The following SALL3 variants were observed in gnomAD, a reference collection of about 807,000 sequenced individuals.
SALL3 encodes the protein sal-like protein 3.
In SALL3, 25 loss-of-function variants were observed where a neutral mutation model predicts 66.2. The observed-to-expected ratio is 0.38, with a 90% confidence interval of 0.28 to 0.53. SALL3 has a LOEUF of 0.53. Among genes scored for constraint, SALL3 ranks in the 20% least tolerant of loss-of-function variants. The pLI is 0.85. For synonymous variants in SALL3, 1,152 were observed against 899.1 expected, an observed-to-expected ratio of 1.28 and a Z score of -5.03; for missense variants, 2,194 against 1,916.5, an observed-to-expected ratio of 1.14 and a Z score of -2.70.
chr18:78,992,852 G>T lies in SALL3; in HGVS notation c.861G>T (p.Glu287Asp). Residue 287 changes from glutamate to aspartate, a missense_variant, in exon 2 of 3, where the codon GAG becomes GAT. By Grantham distance (45) the Glu-to-Asp change is conservative (BLOSUM62 2). Coordinates refer to ENST00000537592, the MANE Select transcript of SALL3 (RefSeq NM_171999.4). ...GSGPAAPAAFEGAQPLSRPES... is the reference protein window; with the variant it reads ...GSGPAAPAAFDGAQPLSRPES... ...GCCCCGCCGCCCCGGCCGCCTTCGA[G>T]GGCGCGCAGCCGCTGTCCCGGCCCG... 1.0e-6 allele frequency: 1 copy of T among 981,348 alleles called. No homozygotes were observed. Among genetic ancestry groups the T allele is most frequent in the Non-Finnish European group, 1.2e-6 (1 of 828,816 alleles). 60.8% of individuals were successfully genotyped at this position (981,348 alleles called of 1,614,324 possible).
chr18:78,993,749 G>C lies in SALL3; in HGVS notation c.1758G>C (p.Ser586=). Residue 586 remains serine, a synonymous_variant, in exon 2 of 3, where the codon TCG becomes TCC. Coordinates refer to ENST00000537592, the MANE Select transcript of SALL3 (RefSeq NM_171999.4). The stretch of plus-strand genomic sequence containing the variant: ...CGGCCACCGCCGAGTCCCCACAGTC[G>C]CTCCTCGGCGGGCCGCCCCTCACTA... ...GVSATAESPQ[S]LLGGPPLTKA... is the part of the protein sequence containing the mutation. 1 of 1,544,508 alleles carries C rather than the reference G, an allele frequency of 6.5e-7. No homozygotes were observed. The highest frequency in any genetic ancestry group is 8.7e-7 in the Non-Finnish European group (1 of 1,154,818).
At chr18:78,981,787 C>G (rs1370437041) in intron 1 of SALL3, among the ~76,000 whole-genome samples, 1 of 152,092 alleles carries the variant, frequency 6.6e-6, no homozygotes, top group Admixed American at 6.5e-5. Flanking sequence ...GTTTTGTTTA[C>G]TTCATCACAT....
In SALL3 at chr18:78,993,833, C is replaced by A; in HGVS notation, c.1842C>A (p.Gly614=). 1.3e-6 allele frequency: 2 copies of A among 1,553,096 alleles called. No homozygotes were observed. The highest frequency in any genetic ancestry group is 1.7e-6 in the Non-Finnish European group (2 of 1,151,870). ...CCAGGGCCGGGGACGCTCCCGTGGG[C>A]GCGCAGGCTAGCGCTGCACCCACAT... ...TNARAGDAPV[G]AQASAAPTSV... The change falls in exon 2 of 3, where the codon GGC becomes GGA. Residue 614 remains glycine, a synonymous_variant. Coordinates refer to ENST00000537592, the MANE Select transcript of SALL3 (RefSeq NM_171999.4).
intron 2 of SALL3, among the ~76,000 whole-genome samples, chr18:78,995,959 C>A (rs1301950235): frequency 6.6e-6 from 1 of 152,114 alleles, no homozygotes; most frequent in Non-Finnish European, 1.5e-5. Flanking sequence ...TGAGAATGCT[C>A]ACTTTGCAAC....
Position 78,993,317 on chromosome 18 carries a change from C to T in SALL3, c.1326C>T (p.His442=). ...CGCTCCAGATCCACCTGCGCTCGCA[C>T]ACAGGCGAGCGGCCCTTCAAGTGCA... ...DSALQIHLRS[H]TGERPFKCNI... The change falls in exon 2 of 3, where the codon CAC becomes CAT. Residue 442 remains histidine (H), a synonymous_variant. Coordinates refer to ENST00000537592, the MANE Select transcript of SALL3 (RefSeq NM_171999.4). 1 of 1,612,344 alleles carries T rather than the reference C, an allele frequency of 6.2e-7. No homozygotes were observed.
intron 1 of SALL3, among the ~76,000 whole-genome samples, chr18:78,990,258 G>A (rs1914383708): frequency 6.6e-6 from 1 of 152,184 alleles, no homozygotes; most frequent in South Asian, 2.1e-4. Context: ...CCTCCATACA[G>A]TAATGAGACC....
Position 78,993,796 on chromosome 18 carries a change from C to T in SALL3, c.1805C>T (p.Pro602Leu). Residue 602 changes from proline to leucine, a missense_variant, in exon 2 of 3, where the codon CCC becomes CTC. Pro to Leu is a moderately conservative substitution (Grantham distance 98). Transcript: ENST00000537592. ...ACTAAAGCCGAGCCCGTCAGCCTGCCCTGCACCAACGCCAGGGCCGGGGAC... is the reference window on the plus strand; with the variant it reads ...ACTAAAGCCGAGCCCGTCAGCCTGCTCTGCACCAACGCCAGGGCCGGGGAC... ...PLTKAEPVSL[P>L]CTNARAGDAP... 1 of 1,555,862 alleles carries T rather than the reference C, an allele frequency of 6.4e-7. No homozygotes were observed. The highest frequency in any genetic ancestry group is 8.6e-7 in the Non-Finnish European group (1 of 1,157,150).
chr18:78,993,523 C>G lies in SALL3; in HGVS notation c.1532C>G (p.Thr511Ser). 1 of 1,598,228 alleles carries G rather than the reference C, an allele frequency of 6.3e-7. No homozygotes were observed. The change falls in exon 2 of 3, where the codon ACC becomes AGC. Residue 511 changes from threonine (T) to serine (S), a missense_variant. Physicochemically the swap from Thr to Ser is moderately conservative, Grantham distance 58. Transcript: ENST00000537592. ...MSLPPEKPVTTWLDSKPVLPT... is the reference protein window; with the variant it reads ...MSLPPEKPVTSWLDSKPVLPT... ...CTGCCCCCCGAGAAGCCCGTGACCA[C>G]CTGGCTGGACAGCAAGCCCGTGCTG...
rs779833119 is a variant in SALL3, at chr18:78,993,022, C to T, written c.1031C>T (p.Pro344Leu). Residue 344 changes from proline (P) to leucine (L), a missense_variant, in exon 2 of 3, where the codon CCT becomes CTT. Pro to Leu is a moderately conservative substitution (Grantham distance 98). Transcript: ENST00000537592. ...CAGCCGCAGAGCGCATCCACGCCGC[C>T]TGCCCTGGCCCCGGGGTCCCTGCTG... The part of the protein sequence containing the change: ...SSQPQSASTP[P>L]ALAPGSLLGA... 4.5e-6 allele frequency: 7 copies of T among 1,550,196 alleles called. No homozygotes were observed. Among genetic ancestry groups the T allele is most frequent in the Non-Finnish European group, 6.1e-6 (7 of 1,156,520 alleles).
At position 78,994,514 on chromosome 18, in the gene SALL3, C is replaced by G. The variant is rs373611197; in HGVS notation, c.2523C>G (p.Ala841=). 63 of 1,611,414 alleles carry G rather than the reference C, an allele frequency of 3.9e-5. No individual in the cohort carries two copies. The highest frequency in any genetic ancestry group is 5.2e-5 in the Non-Finnish European group (61 of 1,179,492). ...CGCCCTCGGTCATCTCCAGCATTGCCGCCCTGGAGAACCAGATGAAGATGA... is the reference window on the plus strand; with the variant it reads ...CGCCCTCGGTCATCTCCAGCATTGCGGCCCTGGAGAACCAGATGAAGATGA... ...PSPPSVISSI[A]ALENQMKMID... Residue 841 remains alanine (A), a synonymous_variant, in exon 2 of 3, where the codon GCC becomes GCG. Coordinates refer to ENST00000537592, the MANE Select transcript of SALL3 (RefSeq NM_171999.4).
At chr18:78,991,897 G>A (rs1238032512) in intron 1 of SALL3, 177 bp from the exon 2 acceptor site, 3 of 483,230 alleles carry the variant, frequency 6.2e-6, no homozygotes, top group African/African-American at 6.0e-5. Flanking sequence ...TTGATGGATT[G>A]GGCTAAGAAA....
At chr18:78,996,797 G>A in intron 2 of SALL3, 94 bp from the exon 3 acceptor site, 11 of 1,302,574 alleles carry the variant, frequency 8.4e-6, no homozygotes, top group East Asian at 2.5e-5. Flanking sequence ...GCGCTTGGGA[G>A]CGGGGTGGAC....
intron 1 of SALL3, among the ~76,000 whole-genome samples, chr18:78,985,265 C>CT (rs1914206252): frequency 6.6e-6 from 1 of 152,242 alleles, no homozygotes; most frequent in African/African-American, 2.4e-5. Flanking sequence ...ATCCCGCGAG[C>CT]TTGCGCCGTG....
chr18:78,980,835 G>A (rs1914030000), intron 1 of SALL3, among the ~76,000 whole-genome samples: 1 of 152,130 alleles, frequency 6.6e-6, no homozygotes, highest in African/African-American at 2.4e-5. Flanking sequence ...CCGGGCCCCC[G>A]CACCGCCTCG....
chr18:78,992,266 A>G lies in SALL3; in HGVS notation c.275A>G (p.Glu92Gly), dbSNP rs1246945001. Reference sequence around the variant, plus strand: ...GAGGACGCGCCCGCGCCGCCCCCCGAGGACTTCCCCGAGCCTTCGCCCGCC... The same window carrying G: ...GAGGACGCGCCCGCGCCGCCCCCCGGGGACTTCCCCGAGCCTTCGCCCGCC... ...VHEDAPAPPP[E>G]DFPEPSPASS... is the part of the protein sequence containing the mutation. Residue 92 changes from glutamate to glycine, a missense_variant, in exon 2 of 3, where the codon GAG (glutamate) becomes GGG (glycine). By Grantham distance (98) the Glu-to-Gly change is moderately conservative (BLOSUM62 -2). Coordinates refer to ENST00000537592, the MANE Select transcript of SALL3 (RefSeq NM_171999.4). 3 of 1,564,040 alleles carry G rather than the reference A, an allele frequency of 1.9e-6. No individual in the cohort carries two copies. In the Admixed American group the frequency reaches 5.4e-5, roughly 28 times the overall value.
In SALL3 at chr18:78,996,893, G is replaced by A; in HGVS notation, c.3474G>A (p.Val1158=). 1.2e-6 allele frequency: 2 copies of A among 1,605,710 alleles called. No individual in the cohort carries two copies. The highest frequency in any genetic ancestry group is 1.1e-5 in the South Asian group (1 of 90,696). ...RAFTTKGNLK[V]HMGTHMWNNA... Reference sequence around the variant, plus strand: ...GGCTGTCTCCGTGTCTCGCGCAGGTGCACATGGGGACACACATGTGGAATA... The same window carrying A: ...GGCTGTCTCCGTGTCTCGCGCAGGTACACATGGGGACACACATGTGGAATA... Residue 1158 remains valine (V), a splice_region_variant and synonymous_variant, in exon 3 of 3, where the codon GTG becomes GTA. Coordinates refer to ENST00000537592, the MANE Select transcript of SALL3 (RefSeq NM_171999.4).
intron 1 of SALL3, among the ~76,000 whole-genome samples, chr18:78,990,981 A>C (rs1270580857): frequency 6.6e-6 from 1 of 152,198 alleles, no homozygotes; most frequent in African/African-American, 2.4e-5. Context: ...ACTCGGCACA[A>C]GAGGGTAAGG....
At chr18:78,989,603 A>G (rs1352618575) in intron 1 of SALL3, among the ~76,000 whole-genome samples, 1 of 152,242 alleles carries the variant, frequency 6.6e-6, no homozygotes, top group Non-Finnish European at 1.5e-5. Context: ...TATTCTTTTA[A>G]TAAGATACAC....
Position 78,997,539 on chromosome 18 carries a change from C to T in SALL3, c.*217C>T, listed in dbSNP as rs970429922. The T allele has an allele frequency of 1.9e-6, 1 of 535,398 alleles. No homozygotes were observed. The highest frequency in any genetic ancestry group is 3.4e-5 in the Admixed American group (1 of 29,680). The allele number at this position is 535,398 out of a possible 1,614,324, so 33.2% of individuals were successfully genotyped here. On this transcript the variant is annotated 3_prime_UTR_variant, in exon 3 of 3. Coordinates refer to ENST00000537592, the MANE Select transcript of SALL3 (RefSeq NM_171999.4). ...ACTCTGCAATCTTTTAAATAAGCTT[C>T]CTTCAAAAAAAAAAGTGCTTGGAAA...
Sources: gnomAD v4.1 joint callset for allele counts (sites outside exome capture counted in the v4.1 genomes callset) on GRCh38, gnomAD v4.1.1 for gene constraint, MANE v1.5 for transcripts, NCBI Gene and HGNC (gene_info 2026-07-23, HGNC 2026-07-21) for gene names.